Variants in ZSCAN4 observed in about 807,000 individuals in gnomAD.
The protein encoded by ZSCAN4 is zinc finger and SCAN domain containing 4, also known as zinc finger and SCAN domain-containing protein 4.
In ZSCAN4, 18 loss-of-function variants were observed where a neutral mutation model predicts 18.3. The ratio of observed to expected loss-of-function variants is 0.98; its 90% CI spans 0.68 to 1.46. ZSCAN4 has a LOEUF of 1.46. Ranked by LOEUF, ZSCAN4 falls within the 40% of genes most tolerant of loss-of-function variation. The pLI is 0.00. For missense variants in ZSCAN4, 498 were observed against 511.4 expected, an observed-to-expected ratio of 0.97 and a Z score of 0.25; for synonymous variants, 193 against 180.3, an observed-to-expected ratio of 1.07 and a Z score of -0.57.
upstream of ZSCAN4, chr19:57,664,188 GGAGGACGA>G (rs1469451290): frequency 6.6e-6 from 1 of 151,898 alleles, no homozygotes; most frequent in Non-Finnish European, 1.5e-5. Context: ...AGGGAGGAAG[GGAGGACGA>G]GAGGAAGGGA....
the ZSCAN4 span, among the ~76,000 whole-genome samples, chr19:57,663,567 T>C: frequency 1.2e-4 from 17 of 142,452 alleles, no homozygotes; most frequent in South Asian, 1.3e-3. Flanking sequence ...CGTGGTATCA[T>C]GAGCCTGTAA....
intron 2 of ZSCAN4, among the ~76,000 whole-genome samples, chr19:57,674,692 G>C (rs1194267213): frequency 6.6e-6 from 1 of 152,052 alleles, no homozygotes; most frequent in Admixed American, 6.6e-5. Flanking sequence ...TACTGAGCTG[G>C]ATCAAATGAT....
Sources: gnomAD v4.1 joint callset for allele counts (sites outside exome capture counted in the v4.1 genomes callset) on GRCh38, gnomAD v4.1.1 for gene constraint, MANE v1.5 for transcripts, NCBI Gene and HGNC (gene_info 2026-07-23, HGNC 2026-07-21) for gene names.